The following CA12 variants were observed in gnomAD, a reference collection of about 807,000 sequenced individuals.
The protein encoded by CA12 is carbonic anhydrase 12, also known as carbonate dehydratase XII.
Under a neutral mutation model 46.8 loss-of-function variants are expected in CA12, and 36 were observed. The observed-to-expected ratio is 0.77, with a 90% CI of 0.59 to 1.02. The LOEUF (loss-of-function observed/expected upper bound fraction) is 1.02. CA12 is among the 50% of genes least tolerant of loss of function. The pLI is 0.00. For synonymous variants in CA12, 202 were observed against 187.0 expected (o/e 1.08, Z -0.65); for missense variants, 436 against 451.4 (o/e 0.97, Z 0.31).
chr15:63,365,062 C>G (rs2039420875), intron 2 of CA12, among the ~76,000 whole-genome samples: 1 of 152,250 alleles, frequency 6.6e-6, no homozygotes, highest in Non-Finnish European at 1.5e-5. Flanking sequence ...ATCCTCCCAC[C>G]TCAGCCTCCC....
intron 2 of CA12, 164 bp downstream of exon 2, chr15:63,375,494 A>G: frequency 5.2e-6 from 3 of 580,868 alleles, no homozygotes; most frequent in Non-Finnish European, 9.4e-6. Flanking sequence ...CCCAAGTTGA[A>G]GTGTTCTTAG....
intron 8 of CA12, among the ~76,000 whole-genome samples, chr15:63,332,923 G>A (rs2038954205): frequency 6.6e-6 from 1 of 152,210 alleles, no homozygotes; most frequent in African/African-American, 2.4e-5. Flanking sequence ...TAAGGAGCTT[G>A]TAGTATGTGT....
intron 2 of CA12, among the ~76,000 whole-genome samples, chr15:63,353,797 T>C (rs2039263530): frequency 6.6e-6 from 1 of 152,170 alleles, no homozygotes. Flanking sequence ...TCCTCCTGCC[T>C]CAGCCTCCCA....
chr15:63,346,813 C>T (rs1394806960), intron 2 of CA12, 104 bp from the exon 3 acceptor site: 25 of 1,348,462 alleles, frequency 1.9e-5, no homozygotes, highest in Non-Finnish European at 2.3e-5. Context: ...CTCCTCTTTT[C>T]TGAATCCCCG....
intron 2 of CA12, among the ~76,000 whole-genome samples, chr15:63,359,991 C>T (rs1172915855): frequency 6.6e-6 from 1 of 152,208 alleles, no homozygotes; most frequent in East Asian, 1.9e-4. Flanking sequence ...TTCACAATCC[C>T]ACTCACTTCT....
chr15:63,346,884 G>A (rs1268616649), intron 2 of CA12, among the ~76,000 whole-genome samples, 175 bp from the exon 3 acceptor site: 2 of 152,210 alleles, frequency 1.3e-5, no homozygotes, highest in Non-Finnish European at 2.9e-5. Flanking sequence ...AACCACTCAG[G>A]ACCACCTGCT....
chr15:63,364,332 G>GAAAAAAA lies in CA12; in HGVS notation c.106+11319_106+11325dup, dbSNP rs34673043. ...GTGAAACAGTGAAACCCCGTCACTAGAAAAAAAAAAAAAAAAAAAAAAACA... is the reference window on the plus strand; with the variant it reads ...GTGAAACAGTGAAACCCCGTCACTAGAAAAAAAAAAAAAAAAAAAAAAAAAAAAAACA... On this transcript the variant is annotated intron_variant, in intron 2 of 10. Coordinates refer to ENST00000178638, the MANE Select transcript of CA12 (RefSeq NM_001218.5). Among the ~76,000 whole-genome samples the GAAAAAAA allele has an allele frequency of 4.7e-3, 266 of 56,104 alleles. 46 individuals are homozygous for GAAAAAAA. The highest frequency in any genetic ancestry group is 6.5e-3 in the Non-Finnish European group (216 of 33,068). The allele number at this position is 56,104 out of a possible 152,430, so 36.8% of individuals were successfully genotyped here. A position where few individuals can be genotyped will look rare whatever the true frequency, so the allele number is the denominator to read the frequency against.
At chr15:63,377,475 G>A (rs968035554) in intron 1 of CA12, among the ~76,000 whole-genome samples, 2 of 138,530 alleles carry the variant, frequency 1.4e-5, no homozygotes, top group East Asian at 4.1e-4. Flanking sequence ...AAGTGAACTT[G>A]GCTTTTTTTT....
intron 1 of CA12, chr15:63,379,072 T>C (rs2039612103): frequency 6.6e-6 from 1 of 152,158 alleles, no homozygotes; most frequent in South Asian, 2.1e-4. Flanking sequence ...GGGCTAAAAG[T>C]CATAGAGTGG....
At chr15:63,370,266 GC>G (rs1229926719) in intron 2 of CA12, among the ~76,000 whole-genome samples, 54 of 151,580 alleles carry the variant, frequency 3.6e-4, no homozygotes, top group Non-Finnish European at 5.9e-5. Flanking sequence ...TTCAAGACCA[GC>G]CTGGTAATGT....
Position 63,327,204 on chromosome 15 carries a change from T to C in CA12, c.937A>G (p.Ile313Val). ...GIILSLALAG[I>V]LGICIVVVVS... ...ACCACCACAATACAGATGCCAAGAA[T>C]GCCAGCCAGGGCCAGTGAGAGGATG... The change falls in exon 10 of 11, where the codon ATT (isoleucine) becomes GTT (valine). Residue 313 changes from isoleucine (I) to valine (V), a missense_variant. Coordinates refer to ENST00000178638, the MANE Select transcript of CA12 (RefSeq NM_001218.5). The surrounding 1 kb of genome is among the most constrained non-coding windows in gnomAD (Gnocchi z 4.5). 1.2e-6 allele frequency: 2 copies of C among 1,614,058 alleles called. No homozygotes were observed. Among genetic ancestry groups the C allele is most frequent in the Non-Finnish European group, 8.5e-7 (1 of 1,179,958 alleles).
Position 63,330,494 on chromosome 15 carries a change from C to G in CA12, c.875-2364G>C, listed in dbSNP as rs546361509. ...CCACCTGAAGACTATTACTAGGAAG[C>G]CTTACCACCTGGCTAAGCCATCCAG... On this transcript the variant is annotated intron_variant, in intron 8 of 10. Transcript: ENST00000178638. This position sits in a 1 kb window ranked among gnomAD's most constrained non-coding sequence, Gnocchi z 4.0. Among the ~76,000 whole-genome samples, 7 of 152,316 alleles carry G rather than the reference C, an allele frequency of 4.6e-5. No individual in the cohort carries two copies. The highest frequency in any genetic ancestry group is 1.7e-4 in the African/African-American group (7 of 41,566).
At chr15:63,369,080 G>A (rs1323856624) in intron 2 of CA12, among the ~76,000 whole-genome samples, 9 of 152,224 alleles carry the variant, frequency 5.9e-5, no homozygotes, top group Admixed American at 5.9e-4. Context: ...CTTCACCTTG[G>A]TCTGAAGAAC....
rs1321035286 is a variant in CA12 at position 63,327,071 on chromosome 15, C to G, written c.992+78G>C. ...CAGGTGACTGCGGCTCTTCATGCCACAAAGCTGCCTTCCCAGGCAGACTAA... is the reference window on the plus strand; with the variant it reads ...CAGGTGACTGCGGCTCTTCATGCCAGAAAGCTGCCTTCCCAGGCAGACTAA... On this transcript the variant is annotated intron_variant, in intron 10 of 10. Coordinates refer to ENST00000178638, the MANE Select transcript of CA12 (RefSeq NM_001218.5). The surrounding 1 kb of genome is among the most constrained non-coding windows in gnomAD (Gnocchi z 4.5). The G allele has an allele frequency of 7.4e-7, 1 of 1,353,624 alleles. No homozygotes were observed. Among genetic ancestry groups the G allele is most frequent in the African/African-American group, 1.4e-5 (1 of 69,844 alleles). The allele number at this position is 1,353,624 out of a possible 1,614,324, so 83.9% of individuals were successfully genotyped here.
intron 3 of CA12, 22 bp downstream of exon 3, chr15:63,346,508 G>A (rs549902015): frequency 6.2e-7 from 1 of 1,611,470 alleles, no homozygotes; most frequent in East Asian, 2.2e-5. Flanking sequence ...TACCCCTCAG[G>A]TCTCCAAGGC....
intron 8 of CA12, among the ~76,000 whole-genome samples, chr15:63,337,615 C>A (rs554700451): frequency 7.0e-4 from 106 of 152,250 alleles, no homozygotes; most frequent in African/African-American, 2.5e-3. Context: ...TGCCACCACG[C>A]CCGGCTAATT....
At chr15:63,344,741 A>G (rs1023899232) in intron 4 of CA12, among the ~76,000 whole-genome samples, 1 of 151,880 alleles carries the variant, frequency 6.6e-6, no homozygotes, top group Non-Finnish European at 1.5e-5. Context: ...TCAGAGCCAC[A>G]CCCCCAGTTC....
intron 2 of CA12, among the ~76,000 whole-genome samples, chr15:63,363,985 C>T (rs1385694005): frequency 1.3e-5 from 2 of 151,338 alleles, no homozygotes; most frequent in Non-Finnish European, 2.9e-5. Context: ...GTCGGGAGTT[C>T]GAGACCAGCC....
chr15:63,368,748 G>A (rs2039466145), intron 2 of CA12, among the ~76,000 whole-genome samples: 1 of 152,334 alleles, frequency 6.6e-6, no homozygotes, highest in East Asian at 1.9e-4. Context: ...CAGCCCCACA[G>A]CTCGTCCTTC....
Sources: allele counts gnomAD v4.1 joint callset (sites outside exome capture counted in the v4.1 genomes callset), GRCh38; gene constraint gnomAD v4.1.1; non-coding constraint Gnocchi (gnomAD v3.1); transcripts MANE v1.5; gene names NCBI Gene and HGNC (gene_info 2026-07-23, HGNC 2026-07-21).